Variants in CCBE1 observed in about 807,000 individuals in gnomAD.
The protein encoded by CCBE1 is collagen and calcium binding EGF domains 1.
A neutral mutation model predicts 50.0 loss-of-function variants in CCBE1; 37 were observed. The observed-to-expected ratio is 0.74, with a 90% confidence interval of 0.57 to 0.97. The LOEUF is 0.97. Among genes scored for constraint, CCBE1 ranks in the 50% least tolerant of loss-of-function variants. The pLI is 0.00. For missense variants in CCBE1, 538 were observed against 523.8 expected (o/e 1.03, Z -0.26); for synonymous variants, 234 against 203.7 (o/e 1.15, Z -1.27).
intron 2 of CCBE1, among the ~76,000 whole-genome samples, chr18:59,557,728 C>T (rs1334186037): frequency 6.6e-6 from 1 of 152,126 alleles, no homozygotes; most frequent in African/African-American, 2.4e-5. Flanking sequence ...AGTCTGTAAC[C>T]AGTGCTCAAG....
At position 59,435,707 on chromosome 18, in the gene CCBE1, C is replaced by CA; in HGVS notation, c.*200dup. ...GTGAGAAGCAGGTAAATCAATCATT[C>CA]ACTCCCTCATGTCTGCAGGCCTAGG... On this transcript the variant is annotated 3_prime_UTR_variant, in exon 11 of 11. Coordinates refer to ENST00000439986, the MANE Select transcript of CCBE1 (RefSeq NM_133459.4). 1 of 628,978 alleles carries CA rather than the reference C, an allele frequency of 1.6e-6. No individual in the cohort carries two copies. The highest frequency in any genetic ancestry group is 1.9e-5 in the South Asian group (1 of 52,564). 39.0% of individuals were successfully genotyped at this position (628,978 alleles called of 1,614,324 possible).
intron 2 of CCBE1, among the ~76,000 whole-genome samples, chr18:59,594,610 A>G (rs1277371728): frequency 6.6e-6 from 1 of 152,186 alleles, no homozygotes; most frequent in East Asian, 1.9e-4. Flanking sequence ...TTGTTTCATA[A>G]ATCATCTTTT....
intron 4 of CCBE1, 99 bp from the exon 5 acceptor site, chr18:59,466,990 G>T: frequency 9.2e-7 from 1 of 1,081,708 alleles, no homozygotes; most frequent in Non-Finnish European, 1.4e-6. Flanking sequence ...TAACAATGAA[G>T]GACACTTGGG....
At chr18:59,454,221 A>T (rs191759962) in intron 6 of CCBE1, among the ~76,000 whole-genome samples, 1 of 152,242 alleles carries the variant, frequency 6.6e-6, no homozygotes, top group East Asian at 1.9e-4. Context: ...TTATTTCCAT[A>T]ATCTATGGAC....
In CCBE1 at chr18:59,433,826, T is replaced by G. The variant is rs1329340037; in HGVS notation, c.*2082A>C. Reference sequence around the variant, plus strand: ...TCACTGTGGTCTCGATCTCCTGACCTCGTGATCCGCCCGCCTCGGCCTCCC... The same window carrying G: ...TCACTGTGGTCTCGATCTCCTGACCGCGTGATCCGCCCGCCTCGGCCTCCC... On this transcript the variant is annotated 3_prime_UTR_variant, in exon 11 of 11. Transcript: ENST00000439986. The G allele has an allele frequency of 6.8e-6, 1 of 147,572 alleles. No homozygotes were observed. The highest frequency in any genetic ancestry group is 2.0e-4 in the East Asian group (1 of 4,966). The allele number at this position is 147,572 out of a possible 1,614,324, so 9.1% of individuals were successfully genotyped here.
chr18:59,498,851 T>C (rs570718711), intron 2 of CCBE1, among the ~76,000 whole-genome samples: 66 of 152,286 alleles, frequency 4.3e-4, no homozygotes, highest in African/African-American at 1.6e-3. Flanking sequence ...TTCCTTTCAG[T>C]TATATTATTA....
intron 2 of CCBE1, among the ~76,000 whole-genome samples, chr18:59,668,819 CT>C (rs34632549): frequency 3.1e-3 from 310 of 99,166 alleles, no homozygotes; most frequent in East Asian, 0.015. Flanking sequence ...TTCCATAAGT[CT>C]TTTTTTTTTT....
At chr18:59,589,182 G>A (rs1005367400) in intron 2 of CCBE1, among the ~76,000 whole-genome samples, 1 of 152,100 alleles carries the variant, frequency 6.6e-6, no homozygotes, top group Non-Finnish European at 1.5e-5. Context: ...AGCCTTAGGG[G>A]CAGTATATCT....
At chr18:59,445,006 G>A (rs922190464) in intron 7 of CCBE1, among the ~76,000 whole-genome samples, 2 of 152,044 alleles carry the variant, frequency 1.3e-5, no homozygotes, top group Non-Finnish European at 2.9e-5. Flanking sequence ...TTTTTGCCCT[G>A]TTGATTGTTT....
intron 2 of CCBE1, among the ~76,000 whole-genome samples, chr18:59,516,047 C>T (rs1337129659): frequency 6.6e-6 from 1 of 152,132 alleles, no homozygotes; most frequent in Non-Finnish European, 1.5e-5. Flanking sequence ...AAACCTCCGC[C>T]TCCTGGGTTC....
chr18:59,652,508 C>T lies in CCBE1; in HGVS notation c.212+44121G>A, dbSNP rs145758439. ...TTTTTTTTAATGTAAACTCCATAGC[C>T]TAGAATAAAATACTATAAATTTAAG... On this transcript the variant is annotated intron_variant, in intron 2 of 10. Coordinates refer to ENST00000439986, the MANE Select transcript of CCBE1 (RefSeq NM_133459.4). Among the ~76,000 whole-genome samples, 117 of 152,010 alleles carry T rather than the reference C, an allele frequency of 7.7e-4. No homozygotes were observed. The East Asian group carries it at 0.018, about 24-fold the overall frequency.
At chr18:59,533,097 C>T (rs935895822) in intron 2 of CCBE1, among the ~76,000 whole-genome samples, 1 of 152,206 alleles carries the variant, frequency 6.6e-6, no homozygotes, top group Non-Finnish European at 1.5e-5. Flanking sequence ...TCCCCCTCTT[C>T]AAGCTATTCT....
At chr18:59,554,583 G>A (rs1339514140) in intron 2 of CCBE1, among the ~76,000 whole-genome samples, 1 of 152,198 alleles carries the variant, frequency 6.6e-6, no homozygotes, top group Non-Finnish European at 1.5e-5. Flanking sequence ...CTAGTCCCAA[G>A]AAGCAGGGAG....
chr18:59,503,578 C>A (rs1913728680), intron 2 of CCBE1, among the ~76,000 whole-genome samples: 2 of 152,230 alleles, frequency 1.3e-5, no homozygotes, highest in Admixed American at 1.3e-4. Context: ...CCTGCTACAA[C>A]CTACCTTCGT....
chr18:59,622,549 T>C (rs1289049774), intron 2 of CCBE1, among the ~76,000 whole-genome samples: 1 of 148,966 alleles, frequency 6.7e-6, no homozygotes, highest in Non-Finnish European at 1.5e-5. Context: ...ACACCTGTAA[T>C]CCCAGCACTT....
chr18:59,635,357 G>C (rs1264502527), intron 2 of CCBE1, among the ~76,000 whole-genome samples: 2 of 150,280 alleles, frequency 1.3e-5, no homozygotes, highest in African/African-American at 5.0e-5. Context: ...ACTTGCTAAA[G>C]GATGTATTTC....
chr18:59,685,766 C>G (rs2054645966), intron 2 of CCBE1: 1 of 152,192 alleles, frequency 6.6e-6, no homozygotes, highest in South Asian at 2.1e-4. Flanking sequence ...AGCACCTTGC[C>G]AGGAAGAAGT....
intron 2 of CCBE1, among the ~76,000 whole-genome samples, chr18:59,540,013 A>T (rs1343081660): frequency 2.0e-5 from 3 of 152,190 alleles, no homozygotes; most frequent in Non-Finnish European, 4.4e-5. Context: ...TCTTTGATGA[A>T]TTTAGTTGAC....
chr18:59,571,830 T>G (rs2052920214), intron 2 of CCBE1, among the ~76,000 whole-genome samples: 1 of 152,160 alleles, frequency 6.6e-6, no homozygotes, highest in Admixed American at 6.5e-5. Flanking sequence ...AAATGCAAGT[T>G]CTCAGGCCTC....
Sources: gnomAD v4.1 joint callset for allele counts (sites outside exome capture counted in the v4.1 genomes callset) on GRCh38, gnomAD v4.1.1 for gene constraint, MANE v1.5 for transcripts, NCBI Gene and HGNC (gene_info 2026-07-23, HGNC 2026-07-21) for gene names.